Variants in SBF2 observed in about 807,000 individuals in gnomAD.
The protein encoded by SBF2 is myotubularin-related protein 13.
SBF2 carries 112 observed loss-of-function variants against 225.2 expected under a neutral mutation model. The observed-to-expected ratio is 0.50, with a 90% CI of 0.43 to 0.58. SBF2 has a LOEUF of 0.58. Among genes scored for constraint, SBF2 ranks in the 20% least tolerant of loss-of-function variants. The probability of loss-of-function intolerance (pLI) is 0.00; values close to 1 mark genes in which losing one functional copy is unlikely to be tolerated. For synonymous variants in SBF2, 763 were observed against 773.3 expected (o/e 0.99, Z 0.22); for missense variants, 1,996 against 2,206.2 (o/e 0.90, Z 1.91).
intron 17 of SBF2, among the ~76,000 whole-genome samples, chr11:9,890,997 G>A (rs774001891): frequency 6.6e-6 from 1 of 152,128 alleles, no homozygotes; most frequent in Admixed American, 6.6e-5. Context: ...TTAGCCGGGC[G>A]TGGTGGTGGG....
At chr11:9,938,050 T>C (rs991533659) in intron 16 of SBF2, among the ~76,000 whole-genome samples, 1 of 122,730 alleles carries the variant, frequency 8.1e-6, no homozygotes, top group African/African-American at 2.6e-5. Flanking sequence ...CCCAGCACTT[T>C]GGGGGCCAAG....
chr11:10,210,990 G>A (rs1378596748), intron 1 of SBF2, among the ~76,000 whole-genome samples: 2 of 103,310 alleles, frequency 1.9e-5, no homozygotes, highest in African/African-American at 3.5e-5. Context: ...TCCAGCCTGG[G>A]CGACAAGAGC....
chr11:10,019,534 G>A (rs1948769066), intron 6 of SBF2, among the ~76,000 whole-genome samples: 1 of 152,046 alleles, frequency 6.6e-6, no homozygotes, highest in African/African-American at 2.4e-5. Context: ...TATGATAGGA[G>A]AGGAAATATA....
At chr11:9,993,281 C>G (rs1947523772) in intron 10 of SBF2, among the ~76,000 whole-genome samples, 178 bp from the exon 11 acceptor site, 1 of 152,148 alleles carries the variant, frequency 6.6e-6, no homozygotes, top group African/African-American at 2.4e-5. Flanking sequence ...TTTAATCCAG[C>G]TTTTATTGGA....
intron 2 of SBF2, among the ~76,000 whole-genome samples, chr11:10,126,373 G>A (rs986146692): frequency 3.9e-5 from 6 of 151,948 alleles, no homozygotes; most frequent in Non-Finnish European, 5.9e-5. Context: ...TACTGTCACC[G>A]TTGAACTCTA....
At chr11:10,000,758 T>C (rs887591941) in intron 8 of SBF2, among the ~76,000 whole-genome samples, 156 bp downstream of exon 8, 2 of 152,180 alleles carry the variant, frequency 1.3e-5, no homozygotes, top group African/African-American at 2.4e-5. Context: ...AAAATTAATA[T>C]ACAGACTTTT....
At chr11:9,923,333 C>A (rs954124536) in intron 16 of SBF2, among the ~76,000 whole-genome samples, 6 of 151,968 alleles carry the variant, frequency 3.9e-5, no homozygotes, top group Non-Finnish European at 7.4e-5. Flanking sequence ...ACAACAACAA[C>A]AAAACAGACA....
intron 1 of SBF2, among the ~76,000 whole-genome samples, chr11:10,197,751 A>G (rs1373054848): frequency 6.6e-6 from 1 of 152,248 alleles, no homozygotes; most frequent in East Asian, 1.9e-4. Context: ...CTGCTGCTTT[A>G]TCAACTAAAT....
intron 1 of SBF2, among the ~76,000 whole-genome samples, chr11:10,264,933 A>C (rs1183772609): frequency 6.6e-6 from 1 of 152,158 alleles, no homozygotes; most frequent in African/African-American, 2.4e-5. Context: ...AAGGCTGCAT[A>C]GTATTCCATG....
chr11:9,961,808 G>A (rs1203374760), intron 16 of SBF2, 149 bp downstream of exon 16: 2 of 606,924 alleles, frequency 3.3e-6, no homozygotes, highest in Non-Finnish European at 5.5e-6. Context: ...TAATAAAAAA[G>A]TATTTGACAG....
At chr11:9,852,556 T>C in intron 21 of SBF2, 120 bp downstream of exon 21, 1 of 774,662 alleles carries the variant, frequency 1.3e-6, no homozygotes, top group Non-Finnish European at 2.4e-6. Context: ...TAACATATCA[T>C]TAAAACTGGA....
chr11:10,176,376 C>T (rs1013386061), intron 2 of SBF2, among the ~76,000 whole-genome samples: 1 of 151,616 alleles, frequency 6.6e-6, no homozygotes, highest in Non-Finnish European at 1.5e-5. Context: ...CACAAAAAAC[C>T]CTTCAAAAAA....
At position 10,268,685 on chromosome 11, in the gene SBF2, T is replaced by C. The variant is rs1489678369; in HGVS notation, c.55+25330A>G. On this transcript the variant is annotated intron_variant, in intron 1 of 39. Coordinates refer to ENST00000256190, the MANE Select transcript of SBF2 (RefSeq NM_030962.4). Reference sequence around the variant, plus strand: ...TGCTAAAAAAGTAGTAGTCTCTCTGTTGAAAGGACATTTTTTCCAGTTTCA... The same window carrying C: ...TGCTAAAAAAGTAGTAGTCTCTCTGCTGAAAGGACATTTTTTCCAGTTTCA... Among the ~76,000 whole-genome samples the C allele has an allele frequency of 3.3e-5, 5 of 152,194 alleles. No individual in the cohort carries two copies. The East Asian group carries it at 9.6e-4, about 29-fold the overall frequency.
At chr11:10,041,525 T>A (rs1949656873) in intron 3 of SBF2, among the ~76,000 whole-genome samples, 1 of 152,190 alleles carries the variant, frequency 6.6e-6, no homozygotes, top group Non-Finnish European at 1.5e-5. Context: ...GAAGACAATG[T>A]GCTGATAATG....
At position 9,816,880 on chromosome 11, in the gene SBF2, T is replaced by C. The variant is rs1554909178; in HGVS notation, c.3938A>G (p.Gln1313Arg). The C allele has an allele frequency of 3.1e-6, 5 of 1,614,154 alleles. No individual in the cohort carries two copies. The Admixed American group carries it at 8.3e-5, about 27-fold the overall frequency. Reference sequence around the variant, plus strand: ...TTCACCAAATATGTAAAGGGCTGCTTGCCGTTTCAAGAGCTGGTTTTGTAG... The same window carrying C: ...TTCACCAAATATGTAAAGGGCTGCTCGCCGTTTCAAGAGCTGGTTTTGTAG... ...SYLQNQLLKR[Q>R]AALYIFGEKS... The change falls in exon 29 of 40, where the codon CAA becomes CGA. Residue 1313 changes from glutamine to arginine, a missense_variant. Physicochemically the swap from Gln to Arg is conservative, Grantham distance 43 (BLOSUM62 1). Coordinates refer to ENST00000256190, the MANE Select transcript of SBF2 (RefSeq NM_030962.4).
intron 2 of SBF2, among the ~76,000 whole-genome samples, chr11:10,072,866 A>G (rs777955643): frequency 8.6e-5 from 13 of 151,424 alleles, no homozygotes; most frequent in Non-Finnish European, 1.5e-4. Context: ...CTAGGACTAC[A>G]GATGCATGAC....
At chr11:10,027,969 G>A (rs1316000363) in intron 6 of SBF2, among the ~76,000 whole-genome samples, 1 of 152,128 alleles carries the variant, frequency 6.6e-6, no homozygotes. Flanking sequence ...GAGTACAGTG[G>A]CACCATCATA....
At chr11:10,182,234 G>A (rs1355199565) in intron 2 of SBF2, among the ~76,000 whole-genome samples, 2 of 152,140 alleles carry the variant, frequency 1.3e-5, no homozygotes, top group Non-Finnish European at 1.5e-5. Flanking sequence ...ATCAAAATGG[G>A]GGGGTAGGTA....
intron 28 of SBF2, chr11:9,828,297 C>G: frequency 8.0e-7 from 1 of 1,250,174 alleles, no homozygotes; most frequent in East Asian, 5.8e-5. Flanking sequence ...AAGTTATCTT[C>G]AGGTGTAGCA....
Sources: gnomAD v4.1 joint callset for allele counts (sites outside exome capture counted in the v4.1 genomes callset) on GRCh38, gnomAD v4.1.1 for gene constraint, MANE v1.5 for transcripts, NCBI Gene and HGNC (gene_info 2026-07-23, HGNC 2026-07-21) for gene names.